Variants in TFAP2B observed in about 807,000 individuals in gnomAD.
TFAP2B encodes transcription factor AP-2-beta.
Under a neutral mutation model 44.3 loss-of-function variants are expected in TFAP2B, and 9 were observed. That is an observed-to-expected ratio of 0.20 (90% CI 0.12 to 0.35). TFAP2B has a LOEUF of 0.35. Ranked by LOEUF, TFAP2B falls within the 10% of genes least tolerant of loss-of-function variation. The probability of loss-of-function intolerance (pLI) is 1.00; values close to 1 mark genes in which losing one functional copy is unlikely to be tolerated. For synonymous variants in TFAP2B, 270 were observed against 263.8 expected (o/e 1.02, Z -0.23); for missense variants, 509 against 600.0 (o/e 0.85, Z 1.59).
At chr6:50,831,419 TC>T (rs573996697) in intron 3 of TFAP2B, among the ~76,000 whole-genome samples, 1 of 152,094 alleles carries the variant, frequency 6.6e-6, no homozygotes, top group African/African-American at 2.4e-5. Context: ...CCATTAGAGC[TC>T]CCATTAAGCT....
rs1232197674 is a variant in TFAP2B at position 50,838,070 on chromosome 6, C to T, written c.917C>T (p.Thr306Met). The part of the protein sequence containing the change: ...PAGRRKAANV[T>M]LLTSLVEGEA... The stretch of plus-strand genomic sequence containing the variant: ...GGCAGGCGCAAAGCAGCAAATGTCA[C>T]GTTACTCACCTCCCTGGTGGAAGGT... Residue 306 changes from threonine to methionine, a missense_variant, in exon 5 of 7, where the codon ACG (threonine) becomes ATG (methionine). Coordinates refer to ENST00000393655, the MANE Select transcript of TFAP2B (RefSeq NM_003221.4). The T allele has an allele frequency of 3.7e-6, 6 of 1,613,950 alleles. No individual in the cohort carries two copies. The highest frequency in any genetic ancestry group is 1.3e-5 in the African/African-American group (1 of 74,942).
At chr6:50,835,987 G>A in intron 3 of TFAP2B, 74 bp from the exon 4 acceptor site, 1 of 1,214,906 alleles carries the variant, frequency 8.2e-7, no homozygotes, top group Non-Finnish European at 1.2e-6. Flanking sequence ...GCCTCACACA[G>A]AGACACATTC....
chr6:50,841,021 C>T (rs542329067), intron 6 of TFAP2B, among the ~76,000 whole-genome samples: 2 of 152,300 alleles, frequency 1.3e-5, no homozygotes, highest in African/African-American at 2.4e-5. Context: ...CGCGGTTTGT[C>T]CCGTTGACAG....
chr6:50,831,577 G>T (rs990091096), intron 3 of TFAP2B, among the ~76,000 whole-genome samples: 2 of 152,022 alleles, frequency 1.3e-5, no homozygotes, highest in Admixed American at 1.3e-4. Flanking sequence ...TAATGAGAAG[G>T]ATTCGGTACA....
chr6:50,832,845 C>T (rs1314286022), intron 3 of TFAP2B, among the ~76,000 whole-genome samples: 1 of 152,178 alleles, frequency 6.6e-6, no homozygotes, highest in Non-Finnish European at 1.5e-5. Flanking sequence ...TTTCTCTAAT[C>T]ATTTTTCTTT....
chr6:50,832,631 C>G (rs1393619486), intron 3 of TFAP2B, among the ~76,000 whole-genome samples: 1 of 152,190 alleles, frequency 6.6e-6, no homozygotes, highest in Non-Finnish European at 1.5e-5. Flanking sequence ...ATGTCATTTA[C>G]ATCTTTAGGT....
At chr6:50,835,238 A>T (rs1374585313) in intron 3 of TFAP2B, among the ~76,000 whole-genome samples, 2 of 152,254 alleles carry the variant, frequency 1.3e-5, no homozygotes, top group Non-Finnish European at 2.9e-5. Flanking sequence ...CGCCGCTCAT[A>T]TGAATTAGAG....
intron 6 of TFAP2B, among the ~76,000 whole-genome samples, chr6:50,841,430 G>T (rs963998321): frequency 1.4e-5 from 2 of 147,484 alleles, no homozygotes; most frequent in African/African-American, 2.4e-5. Flanking sequence ...TGAGGCACGG[G>T]GTGTGTGTGT....
At chr6:50,839,446 G>A (rs1411704728) in intron 5 of TFAP2B, among the ~76,000 whole-genome samples, 1 of 152,150 alleles carries the variant, frequency 6.6e-6, no homozygotes, top group Admixed American at 6.5e-5. Flanking sequence ...TGTGTTTAAA[G>A]GGTAATAATG....
At chr6:50,819,860 G>A (rs1446334182) in intron 1 of TFAP2B, among the ~76,000 whole-genome samples, 1 of 145,202 alleles carries the variant, frequency 6.9e-6, no homozygotes, top group Non-Finnish European at 1.5e-5. Flanking sequence ...TGGGAGAGGC[G>A]GGCGAGGTGG....
chr6:50,846,301 T>C lies in TFAP2B; in HGVS notation c.*2909T>C, dbSNP rs998512409. 6.6e-6 allele frequency: 1 copy of C among 152,490 alleles called. No homozygotes were observed. The highest frequency in any genetic ancestry group is 6.5e-5 in the Admixed American group (1 of 15,276). The allele number at this position is 152,490 out of a possible 1,614,324, so 9.4% of individuals were successfully genotyped here. Reference sequence around the variant, plus strand: ...CCTTGCTTTCCTTAGCCAGGCCCGCTACATTTATCTGATAATTGAGTTATT... The same window carrying C: ...CCTTGCTTTCCTTAGCCAGGCCCGCCACATTTATCTGATAATTGAGTTATT... On this transcript the variant is annotated 3_prime_UTR_variant, in exon 7 of 7. Coordinates refer to ENST00000393655, the MANE Select transcript of TFAP2B (RefSeq NM_003221.4).
At chr6:50,835,408 T>A (rs1477441256) in intron 3 of TFAP2B, among the ~76,000 whole-genome samples, 2 of 152,210 alleles carry the variant, frequency 1.3e-5, no homozygotes, top group Non-Finnish European at 2.9e-5. Context: ...GTTGTTATTA[T>A]GTAGGGAAGA....
intron 3 of TFAP2B, among the ~76,000 whole-genome samples, chr6:50,833,530 A>G (rs1048332333): frequency 2.0e-5 from 3 of 148,388 alleles, no homozygotes; most frequent in African/African-American, 5.3e-5. Context: ...GGGAAAAAAC[A>G]AAAACAAAAA....
intron 1 of TFAP2B, chr6:50,822,291 C>A: frequency 1.3e-6 from 1 of 773,796 alleles, no homozygotes; most frequent in Non-Finnish European, 1.9e-6. Context: ...GCGCCTTTGG[C>A]TTGGTAATTT....
intron 6 of TFAP2B, among the ~76,000 whole-genome samples, chr6:50,840,881 G>A (rs1279584267): frequency 6.6e-6 from 1 of 152,200 alleles, no homozygotes; most frequent in African/African-American, 2.4e-5. Context: ...TCCTGTCTTT[G>A]GCTTCGGTGT....
At chr6:50,819,308 C>T (rs963009138) in intron 1 of TFAP2B, among the ~76,000 whole-genome samples, 11 of 138,028 alleles carry the variant, frequency 8.0e-5, no homozygotes, top group Non-Finnish European at 1.3e-4. Context: ...CAGAGAAAAT[C>T]GAGATTCTGA....
intron 1 of TFAP2B, chr6:50,821,991 A>ATTT (rs60274376): frequency 1.8e-3 from 400 of 217,996 alleles, no homozygotes; most frequent in East Asian, 3.8e-3. Context: ...GGCGGGTGTA[A>ATTT]TTTTTTTTTT....
In TFAP2B at chr6:50,845,962, C is replaced by A. The variant is rs1187701217; in HGVS notation, c.*2570C>A. 6.6e-6 allele frequency: 1 copy of A among 152,648 alleles called. No individual in the cohort carries two copies. The highest frequency in any genetic ancestry group is 1.5e-5 in the Non-Finnish European group (1 of 68,092). 9.5% of individuals were successfully genotyped at this position (152,648 alleles called of 1,614,324 possible). ...CTGCAGGTGGGGAGGGCTCCCAGCG[C>A]CGCCAGCGGCCACCCGGGGCGCCGG... is the stretch of plus-strand genomic sequence containing the variant. On this transcript the variant is annotated 3_prime_UTR_variant, in exon 7 of 7. Transcript: ENST00000393655.
rs776960166 is a variant in TFAP2B at position 50,840,246 on chromosome 6, A to T, written c.1031A>T (p.His344Leu). 7 of 1,614,058 alleles carry T rather than the reference A, an allele frequency of 4.3e-6. No individual in the cohort carries two copies. Among genetic ancestry groups the T allele is most frequent in the Non-Finnish European group, 5.9e-6 (7 of 1,180,038 alleles). ...GTCTCTGAGTATTTGAACCGGCAGC[A>T]CACAGACCCGAGTGACCTGCACTCC... ...KAVSEYLNRQ[H>L]TDPSDLHSRK... is the part of the protein sequence containing the mutation. The change falls in exon 6 of 7, where the codon CAC becomes CTC. Residue 344 changes from histidine (H) to leucine (L), a missense_variant. Coordinates refer to ENST00000393655, the MANE Select transcript of TFAP2B (RefSeq NM_003221.4).
Sources: gnomAD v4.1 joint callset for allele counts (sites outside exome capture counted in the v4.1 genomes callset) on GRCh38, gnomAD v4.1.1 for gene constraint, MANE v1.5 for transcripts, NCBI Gene and HGNC (gene_info 2026-07-23, HGNC 2026-07-21) for gene names.